The following SIL1 variants were observed in gnomAD, a reference collection of about 807,000 sequenced individuals.
SIL1 encodes the protein SIL1 nucleotide exchange factor.
Under a neutral mutation model 49.1 loss-of-function variants are expected in SIL1, and 40 were observed. The ratio of observed to expected loss-of-function variants is 0.81; its 90% CI spans 0.63 to 1.06. The LOEUF (loss-of-function observed/expected upper bound fraction) is 1.06, where lower values mean the gene tolerates loss of function less well. Among genes scored for constraint, SIL1 ranks in the 50% least tolerant of loss-of-function variants. SIL1 has a pLI of 0.00. For synonymous variants in SIL1, 253 were observed against 250.8 expected, an observed-to-expected ratio of 1.01 and a Z score of -0.08; for missense variants, 500 against 572.6, an observed-to-expected ratio of 0.87 and a Z score of 1.29.
In SIL1 at chr5:138,947,288, C is replaced by A. The variant is rs794727004; in HGVS notation, c.1215G>T (p.Leu405=). Residue 405 remains leucine (L), a synonymous_variant, in exon 10 of 10, where the codon CTG becomes CTT. Transcript: ENST00000394817. This position sits in a 1 kb window ranked among gnomAD's most constrained non-coding sequence, Gnocchi z 4.1. ...GACGGTAGCGGTCCCGGCAGGTGGT[C>A]AGGAGGACGCCCAGTGTCTGCAGCA... ...EKVLQTLGVL[L]TTCRDRYRQD... is the part of the protein sequence containing the mutation. 6.2e-7 allele frequency: 1 copy of A among 1,613,508 alleles called. No homozygotes were observed. Among genetic ancestry groups the A allele is most frequent in the Non-Finnish European group, 8.5e-7 (1 of 1,180,026 alleles).
intron 7 of SIL1, among the ~76,000 whole-genome samples, chr5:138,985,512 T>C (rs1397356336): frequency 6.6e-6 from 1 of 152,126 alleles, no homozygotes; most frequent in Non-Finnish European, 1.5e-5. Context: ...CACGTGAAGC[T>C]TCTATGGGCC....
At chr5:139,060,164 T>C (rs1025784182) in intron 3 of SIL1, among the ~76,000 whole-genome samples, 9 of 152,350 alleles carry the variant, frequency 5.9e-5, no homozygotes, top group Admixed American at 1.3e-4. Context: ...CATATCCTGA[T>C]TGGCTTAACT....
Position 138,948,496 on chromosome 5 carries a change from T to A in SIL1, c.1030-1023A>T, listed in dbSNP as rs189067732. On this transcript the variant is annotated intron_variant, in intron 9 of 9. Transcript: ENST00000394817. This position sits in a 1 kb window ranked among gnomAD's most constrained non-coding sequence, Gnocchi z 4.8. ...TTGCGGGTGATAAAGACAAAATCAA[T>A]CCCTTCCCTGGGACTGCGAGGCTCT... 1.1e-3 allele frequency among the ~76,000 whole-genome samples: 174 copies of A among 152,148 alleles called. No individual in the cohort carries two copies. Among genetic ancestry groups the A allele is most frequent in the African/African-American group, 4.0e-3 (165 of 41,484 alleles).
At chr5:138,970,924 AAAG>A (rs1211975499) in intron 7 of SIL1, among the ~76,000 whole-genome samples, 2 of 152,114 alleles carry the variant, frequency 1.3e-5, no homozygotes, top group African/African-American at 4.8e-5. Flanking sequence ...AAAAAAAAAA[AAAG>A]AATTCCAGAG....
chr5:139,134,992 C>T lies in SIL1; in HGVS notation c.-10-7139G>A, dbSNP rs1278455656. On this transcript the variant is annotated intron_variant, in intron 1 of 9. Coordinates refer to ENST00000394817, the MANE Select transcript of SIL1 (RefSeq NM_022464.5). Reference sequence around the variant, plus strand: ...GAGGACACTGAAAGGACGCCCCTGACAAGGGAGAACAACGTGCAAAGGCTT... The same window carrying T: ...GAGGACACTGAAAGGACGCCCCTGATAAGGGAGAACAACGTGCAAAGGCTT... Among the ~76,000 whole-genome samples the T allele has an allele frequency of 2.0e-5, 3 of 152,090 alleles. No homozygotes were observed. The South Asian group carries it at 6.2e-4, about 32-fold the overall frequency.
intron 8 of SIL1, among the ~76,000 whole-genome samples, 166 bp downstream of exon 8, chr5:138,951,622 G>A (rs1448539875): frequency 1.3e-5 from 2 of 152,200 alleles, no homozygotes; most frequent in Non-Finnish European, 2.9e-5. Flanking sequence ...AGTCACCTCG[G>A]CACACTGCCA....
At chr5:138,959,742 C>T (rs967361970) in intron 7 of SIL1, among the ~76,000 whole-genome samples, 20 of 152,236 alleles carry the variant, frequency 1.3e-4, no homozygotes, top group Non-Finnish European at 1.5e-4. Flanking sequence ...GGTGCCCAAA[C>T]CTACCCTCAG....
chr5:139,180,362 C>T (rs1350529165), intron 1 of SIL1, among the ~76,000 whole-genome samples: 2 of 86,142 alleles, frequency 2.3e-5, no homozygotes, highest in African/African-American at 4.5e-5. Context: ...GCCTGGGCAA[C>T]AAGAGCAAAA....
At chr5:139,191,881 C>G (rs182851642) in intron 1 of SIL1, among the ~76,000 whole-genome samples, 1 of 152,074 alleles carries the variant, frequency 6.6e-6, no homozygotes, top group Admixed American at 6.5e-5. Flanking sequence ...TTGAGACCAG[C>G]CTGGCCAATA....
At chr5:138,969,194 A>G (rs2150390847) in intron 7 of SIL1, among the ~76,000 whole-genome samples, 1 of 152,334 alleles carries the variant, frequency 6.6e-6, no homozygotes, top group East Asian at 1.9e-4. Context: ...GATTCCTGAA[A>G]TCACCTCTAG....
At chr5:139,187,987 A>G (rs1331419559) in intron 1 of SIL1, 1 of 153,042 alleles carries the variant, frequency 6.5e-6, no homozygotes, top group African/African-American at 2.4e-5. Context: ...AAGACGTGCC[A>G]GCTTCCCCTT....
chr5:139,113,109 A>G (rs1220516107), intron 3 of SIL1, among the ~76,000 whole-genome samples: 1 of 151,702 alleles, frequency 6.6e-6, no homozygotes, highest in Non-Finnish European at 1.5e-5. Flanking sequence ...CATGCTCGTT[A>G]AGAGTCATCA....
At chr5:139,196,400 A>T (rs1414399902) in intron 1 of SIL1, 1 of 152,194 alleles carries the variant, frequency 6.6e-6, no homozygotes, top group East Asian at 1.9e-4. Context: ...TTGGTGGATC[A>T]AGTTCCCACA....
chr5:139,062,055 GCTT>G (rs778292894), intron 3 of SIL1, among the ~76,000 whole-genome samples: 12 of 152,180 alleles, frequency 7.9e-5, no homozygotes, highest in African/African-American at 1.2e-4. Context: ...CTCTCCTCCT[GCTT>G]CTTTATTCAA....
intron 1 of SIL1, among the ~76,000 whole-genome samples, chr5:139,154,057 C>T (rs1280602313): frequency 2.6e-5 from 4 of 152,244 alleles, no homozygotes; most frequent in African/African-American, 9.6e-5. Flanking sequence ...ATCTCACATA[C>T]ATCCCTGCCT....
intron 1 of SIL1, 99 bp from the exon 2 acceptor site, chr5:139,127,952 C>T: frequency 1.3e-6 from 1 of 757,210 alleles, no homozygotes; most frequent in Non-Finnish European, 2.3e-6. Flanking sequence ...ACATGTCAGA[C>T]ATTTCCTGCA....
rs1385775088 is a variant in SIL1, at chr5:138,951,312, C to T, written c.888G>A (p.Leu296=). ...KKKVLFALCS[L]LRHFPYAQRQ... ...GCTGGGCATAGGGGAAGTGGCGCAGCAGGGAGCACAGTGCAAACAGGACCT... is the reference window on the plus strand; with the variant it reads ...GCTGGGCATAGGGGAAGTGGCGCAGTAGGGAGCACAGTGCAAACAGGACCT... Residue 296 remains leucine, a synonymous_variant, in exon 9 of 10, where the codon CTG becomes CTA. Transcript: ENST00000394817. 4 of 1,557,316 alleles carry T rather than the reference C, an allele frequency of 2.6e-6. No individual in the cohort carries two copies. The South Asian group carries it at 3.5e-5, about 14-fold the overall frequency.
At chr5:139,171,739 GAAA>G (rs553579332) in intron 1 of SIL1, among the ~76,000 whole-genome samples, 1 of 147,080 alleles carries the variant, frequency 6.8e-6, no homozygotes, top group Non-Finnish European at 1.5e-5. Flanking sequence ...GAAAAAAAAA[GAAA>G]AAAAATAAAC....
At chr5:139,161,565 T>A (rs775780975) in intron 1 of SIL1, among the ~76,000 whole-genome samples, 5 of 152,178 alleles carry the variant, frequency 3.3e-5, no homozygotes, top group Non-Finnish European at 7.3e-5. Context: ...TTCTAGACAC[T>A]CTCTCTTTCT....
Sources: gnomAD v4.1 joint callset for allele counts (sites outside exome capture counted in the v4.1 genomes callset) on GRCh38, gnomAD v4.1.1 for gene constraint, Gnocchi (gnomAD v3.1) non-coding constraint, MANE v1.5 for transcripts, NCBI Gene and HGNC (gene_info 2026-07-23, HGNC 2026-07-21) for gene names.